SRBD1: variants seen among roughly 807,000 people sequenced by gnomAD.
SRBD1 encodes the protein S1 RNA-binding domain-containing protein 1.
In SRBD1, 88 loss-of-function variants were observed where a neutral mutation model predicts 115.3. The observed-to-expected ratio is 0.76, with a 90% CI of 0.64 to 0.91. SRBD1 has a LOEUF of 0.91. Ranked by LOEUF, SRBD1 falls within the 40% of genes least tolerant of loss-of-function variation. The pLI is 0.00. For missense variants in SRBD1, 1,385 were observed against 1,177.4 expected (o/e 1.18, Z -2.58); for synonymous variants, 509 against 407.7 (o/e 1.25, Z -2.99).
chr2:45,521,286 A>AACACAC (rs71394840), intron 14 of SRBD1, among the ~76,000 whole-genome samples: 5,868 of 146,308 alleles, frequency 0.04, 235 homozygotes, highest in African/African-American at 0.11. Context: ...CAAAAAGGAA[A>AACACAC]ACACACACAC....
chr2:45,589,730 T>C (rs1673655778), intron 4 of SRBD1, among the ~76,000 whole-genome samples: 1 of 152,234 alleles, frequency 6.6e-6, no homozygotes, highest in Non-Finnish European at 1.5e-5. Flanking sequence ...GCAGTCTTCA[T>C]TCTGGGGACT....
At chr2:45,547,390 G>A in intron 13 of SRBD1, 132 bp downstream of exon 13, 1 of 721,226 alleles carries the variant, frequency 1.4e-6, no homozygotes, top group Non-Finnish European at 2.2e-6. Flanking sequence ...ATTTGCCCCA[G>A]AACTGTTTTA....
intron 15 of SRBD1, among the ~76,000 whole-genome samples, chr2:45,487,146 C>A (rs1052708465): frequency 2.0e-5 from 3 of 152,138 alleles, no homozygotes; most frequent in Non-Finnish European, 4.4e-5. Context: ...CTTTAGATTA[C>A]TGTAAAAATT....
At chr2:45,531,772 T>C (rs528745443) in intron 14 of SRBD1, among the ~76,000 whole-genome samples, 1 of 151,922 alleles carries the variant, frequency 6.6e-6, no homozygotes, top group South Asian at 2.1e-4. Flanking sequence ...TATTCCGTAA[T>C]ACATATGGCA....
chr2:45,430,534 G>C (rs1443138976), intron 16 of SRBD1, among the ~76,000 whole-genome samples: 1 of 152,172 alleles, frequency 6.6e-6, no homozygotes, highest in East Asian at 1.9e-4. Context: ...ACAAAAACAA[G>C]CAATGGGGAA....
intron 19 of SRBD1, among the ~76,000 whole-genome samples, chr2:45,410,790 A>C (rs1007218252): frequency 6.6e-6 from 1 of 152,010 alleles, no homozygotes; most frequent in South Asian, 2.1e-4. Flanking sequence ...CCTACTAAAA[A>C]CCCAAAAGGC....
At chr2:45,520,478 G>A (rs1313283648) in intron 14 of SRBD1, among the ~76,000 whole-genome samples, 1 of 152,208 alleles carries the variant, frequency 6.6e-6, no homozygotes, top group African/African-American at 2.4e-5. Context: ...CGGGGGAGAA[G>A]AGGGCAGTTC....
intron 14 of SRBD1, among the ~76,000 whole-genome samples, chr2:45,523,042 G>C (rs1387237332): frequency 6.6e-6 from 1 of 151,892 alleles, no homozygotes; most frequent in Non-Finnish European, 1.5e-5. Flanking sequence ...CCAAGCATGT[G>C]ATATAAAGGA....
intron 16 of SRBD1, among the ~76,000 whole-genome samples, chr2:45,426,019 A>G (rs1668143210): frequency 6.6e-6 from 1 of 152,044 alleles, no homozygotes; most frequent in Admixed American, 6.5e-5. Context: ...TCTCCTGGAA[A>G]GGGGGCTGGA....
chr2:45,468,789 T>C (rs1442729738), intron 16 of SRBD1, among the ~76,000 whole-genome samples: 1 of 152,184 alleles, frequency 6.6e-6, no homozygotes, highest in Non-Finnish European at 1.5e-5. Context: ...AGAATTCTCA[T>C]CTCCAGCTCT....
chr2:45,477,165 C>A, intron 15 of SRBD1, 90 bp from the exon 16 acceptor site: 1 of 1,027,192 alleles, frequency 9.7e-7, no homozygotes, highest in Admixed American at 2.0e-5. Flanking sequence ...AATGTAAGTA[C>A]TTAATCCTGT....
At chr2:45,528,923 G>T (rs1452549925) in intron 14 of SRBD1, among the ~76,000 whole-genome samples, 1 of 151,868 alleles carries the variant, frequency 6.6e-6, no homozygotes, top group African/African-American at 2.4e-5. Flanking sequence ...AACATAAAAT[G>T]GTCAGTGGAT....
chr2:45,416,252 A>T (rs1667828377), intron 18 of SRBD1, among the ~76,000 whole-genome samples: 1 of 132,638 alleles, frequency 7.5e-6, no homozygotes, highest in Admixed American at 7.6e-5. Flanking sequence ...ATTAAATGTC[A>T]TAGAAAGTAT....
At position 45,390,428 on chromosome 2, in the gene SRBD1, G is replaced by A. The variant is rs1666964713; in HGVS notation, c.2699-829C>T. ...AAAGGTAGGCATAAAGCATGCCAAG[G>A]AATCATTATGGTTCTAGTTAAAAAC... On this transcript the variant is annotated intron_variant, in intron 20 of 20. Transcript: ENST00000263736. Among the ~76,000 whole-genome samples the A allele has an allele frequency of 3.3e-5, 5 of 152,250 alleles. No homozygotes were observed. In the South Asian group the frequency reaches 1.0e-3, roughly 32 times the overall value.
At chr2:45,482,829 G>GAACC (rs1670007828) in intron 15 of SRBD1, among the ~76,000 whole-genome samples, 1 of 151,970 alleles carries the variant, frequency 6.6e-6, no homozygotes, top group Non-Finnish European at 1.5e-5. Context: ...ATAAAATGGA[G>GAACC]TACCATTTGC....
chr2:45,589,740 T>C (rs897290984), intron 4 of SRBD1, among the ~76,000 whole-genome samples: 11 of 152,348 alleles, frequency 7.2e-5, no homozygotes, highest in Non-Finnish European at 1.5e-4. Context: ...TTCTGGGGAC[T>C]CCAAATCACC....
At chr2:45,552,234 T>C (rs746034457) in intron 11 of SRBD1, among the ~76,000 whole-genome samples, 19 of 152,120 alleles carry the variant, frequency 1.2e-4, no homozygotes, top group Non-Finnish European at 2.4e-4. Flanking sequence ...CAAGTGGGAG[T>C]GTCCTCCTCT....
chr2:45,418,376 T>G lies in SRBD1; in HGVS notation c.2322A>C (p.Arg774=). The change falls in exon 18 of 21, where the codon CGA becomes CGC. Residue 774 remains arginine, a synonymous_variant. Coordinates refer to ENST00000263736, the MANE Select transcript of SRBD1 (RefSeq NM_018079.5). ...ATACTTATACTCACCTGCAAAACGT[T>G]CGGATATAATCCTGGTTGATTCTGA... The part of the protein sequence containing the change: ...GFIRINQDYI[R]TFCSQQTETS... 1 of 1,613,386 alleles carries G rather than the reference T, an allele frequency of 6.2e-7. No homozygotes were observed. Among genetic ancestry groups the G allele is most frequent in the Non-Finnish European group, 8.5e-7 (1 of 1,179,738 alleles).
intron 16 of SRBD1, among the ~76,000 whole-genome samples, chr2:45,441,706 G>C (rs1668674494): frequency 1.3e-5 from 2 of 152,224 alleles, no homozygotes; most frequent in Non-Finnish European, 2.9e-5. Context: ...TTAAGAAAAA[G>C]AATTGCCCTA....
Sources: allele counts gnomAD v4.1 joint callset (sites outside exome capture counted in the v4.1 genomes callset), GRCh38; gene constraint gnomAD v4.1.1; transcripts MANE v1.5; gene names NCBI Gene and HGNC (gene_info 2026-07-23, HGNC 2026-07-21).